The following JKAMP variants were observed in gnomAD, a reference collection of about 807,000 sequenced individuals.
The protein encoded by JKAMP is JNK1/MAPK8-associated membrane protein.
In JKAMP, 20 loss-of-function variants were observed where a neutral mutation model predicts 40.2. The observed-to-expected ratio is 0.50, with a 90% CI of 0.35 to 0.72. The LOEUF (loss-of-function observed/expected upper bound fraction) is 0.72. JKAMP is among the 30% of genes least tolerant of loss of function. JKAMP has a pLI of 0.01. For missense variants in JKAMP, 276 were observed against 373.0 expected, an observed-to-expected ratio of 0.74 and a Z score of 2.14; for synonymous variants, 138 against 131.6, an observed-to-expected ratio of 1.05 and a Z score of -0.33.
chr14:59,487,706 G>A lies in JKAMP; in HGVS notation c.129G>A (p.Gln43=). The A allele has an allele frequency of 6.2e-7, 1 of 1,613,282 alleles. No individual in the cohort carries two copies. Among genetic ancestry groups the A allele is most frequent in the Non-Finnish European group, 8.5e-7 (1 of 1,179,358 alleles). Residue 43 remains glutamine (Q), a synonymous_variant, in exon 3 of 7, where the codon CAG becomes CAA. Coordinates refer to ENST00000616435, the MANE Select transcript of JKAMP (RefSeq NM_016475.5). ...CAAGAGGACAGAGAACGAATGCACAGAAATATTGTCAGCCTTGCACAGAAT... is the reference window on the plus strand; with the variant it reads ...CAAGAGGACAGAGAACGAATGCACAAAAATATTGTCAGCCTTGCACAGAAT... ...VCPRGQRTNA[Q]KYCQPCTESP...
In JKAMP at chr14:59,505,357, G is replaced by T; in HGVS notation, c.*1285G>T. 9.0e-7 allele frequency: 1 copy of T among 1,113,160 alleles called. No individual in the cohort carries two copies. The highest frequency in any genetic ancestry group is 2.6e-5 in the East Asian group (1 of 38,352). The allele number at this position is 1,113,160 out of a possible 1,614,324, so 69.0% of individuals were successfully genotyped here. A position where few individuals can be genotyped will look rare whatever the true frequency, so the allele number is the denominator to read the frequency against. On this transcript the variant is annotated 3_prime_UTR_variant, in exon 7 of 7. Transcript: ENST00000616435. ...TAAATATAAAAATTTTATTTGTATT[G>T]CACACATTTGGGGGGTTATTAGTGT...
chr14:59,489,397 G>A lies in JKAMP; in HGVS notation c.251+1569G>A, dbSNP rs138477091. 5.3e-5 allele frequency among the ~76,000 whole-genome samples: 8 copies of A among 152,360 alleles called. No individual in the cohort carries two copies. The East Asian group carries it at 1.5e-3, about 29-fold the overall frequency. On this transcript the variant is annotated intron_variant, in intron 3 of 6. Coordinates refer to ENST00000616435, the MANE Select transcript of JKAMP (RefSeq NM_016475.5). ...CAGCAGAGTTCTTTGCTAGGGCATAGTATGGATGACCTTTACTACAGTTCC... is the reference window on the plus strand; with the variant it reads ...CAGCAGAGTTCTTTGCTAGGGCATAATATGGATGACCTTTACTACAGTTCC...
intron 3 of JKAMP, among the ~76,000 whole-genome samples, chr14:59,492,474 G>C (rs1323159296): frequency 1.3e-5 from 2 of 152,104 alleles, no homozygotes; most frequent in African/African-American, 4.8e-5. Flanking sequence ...TGAACTTCTG[G>C]GGTCCTGCAA....
chr14:59,501,744 T>C (rs147203311), intron 6 of JKAMP, among the ~76,000 whole-genome samples: 43 of 152,288 alleles, frequency 2.8e-4, no homozygotes, highest in African/African-American at 1.0e-3. Context: ...TACCCCATAA[T>C]GTTTGGGGGA....
intron 6 of JKAMP, among the ~76,000 whole-genome samples, chr14:59,502,760 T>TTTTTCTTTGTTTTTG (rs1566583978): frequency 2.3e-5 from 3 of 130,112 alleles, no homozygotes; most frequent in African/African-American, 5.8e-5. Context: ...ATTTTTTTTT[T>TTTTTCTTTGTTTTTG]TTTTTTTTTT....
chr14:59,494,670 G>T (rs540400390), intron 3 of JKAMP, among the ~76,000 whole-genome samples: 1 of 152,274 alleles, frequency 6.6e-6, no homozygotes, highest in South Asian at 2.1e-4. Context: ...GGTAGGAGAT[G>T]AGCTTATAAT....
chr14:59,495,296 G>T, intron 4 of JKAMP, 72 bp downstream of exon 4: 1 of 1,206,146 alleles, frequency 8.3e-7, no homozygotes, highest in Non-Finnish European at 1.2e-6. Flanking sequence ...ATTTTATGGC[G>T]TTTGGAGACA....
chr14:59,494,685 T>C (rs557657493), intron 3 of JKAMP, among the ~76,000 whole-genome samples: 99 of 152,312 alleles, frequency 6.5e-4, no homozygotes, highest in Non-Finnish European at 7.6e-4. Flanking sequence ...TATAATATTA[T>C]AATTACTATA....
chr14:59,497,351 T>C (rs1454997977), intron 4 of JKAMP, among the ~76,000 whole-genome samples: 1 of 152,144 alleles, frequency 6.6e-6, no homozygotes, highest in Non-Finnish European at 1.5e-5. Flanking sequence ...GTAGGCAGCA[T>C]GGATTGAAAG....
At chr14:59,501,089 G>T (rs1361887142) in intron 5 of JKAMP, 102 bp from the exon 6 acceptor site, 2 of 733,802 alleles carry the variant, frequency 2.7e-6, no homozygotes, top group East Asian at 2.8e-5. Flanking sequence ...AACTGGTTGA[G>T]AAAGGATTTG....
Position 59,505,272 on chromosome 14 carries a change from A to G in JKAMP, c.*1200A>G. On this transcript the variant is annotated 3_prime_UTR_variant, in exon 7 of 7. Coordinates refer to ENST00000616435, the MANE Select transcript of JKAMP (RefSeq NM_016475.5). ...TTAATGTATTTTTCTCAGTACATTT[A>G]ACCACTGGGAAATGAACCCTTGTAC... 1 of 1,509,558 alleles carries G rather than the reference A, an allele frequency of 6.6e-7. No homozygotes were observed. Among genetic ancestry groups the G allele is most frequent in the Non-Finnish European group, 8.9e-7 (1 of 1,128,042 alleles). 93.5% of individuals were successfully genotyped at this position (1,509,558 alleles called of 1,614,324 possible). A position where few individuals can be genotyped will look rare whatever the true frequency, so the allele number is the denominator to read the frequency against.
In JKAMP at chr14:59,484,539, C is replaced by T; in HGVS notation, c.-51C>T. The T allele has an allele frequency of 1.9e-6, 3 of 1,560,628 alleles. No homozygotes were observed. Among genetic ancestry groups the T allele is most frequent in the African/African-American group, 1.4e-5 (1 of 73,458 alleles). Reference sequence around the variant, plus strand: ...GCTGTGGCCCGGATGTTCGGTGCAGCTGCCAGATCCGCTGATCTAGTGCTT... The same window carrying T: ...GCTGTGGCCCGGATGTTCGGTGCAGTTGCCAGATCCGCTGATCTAGTGCTT... On this transcript the variant is annotated 5_prime_UTR_variant, in exon 1 of 7. Coordinates refer to ENST00000616435, the MANE Select transcript of JKAMP (RefSeq NM_016475.5).
chr14:59,491,464 G>A (rs566125320), intron 3 of JKAMP, among the ~76,000 whole-genome samples: 1 of 152,198 alleles, frequency 6.6e-6, no homozygotes, highest in Non-Finnish European at 1.5e-5. Context: ...GTAATGGCAA[G>A]AAATAATGAA....
intron 6 of JKAMP, among the ~76,000 whole-genome samples, chr14:59,502,760 T>TGTTTTGTTTTGTTTTGTTTTG (rs760996086): frequency 1.0e-4 from 13 of 130,108 alleles, no homozygotes; most frequent in South Asian, 5.2e-4. Context: ...ATTTTTTTTT[T>TGTTTTGTTTTGTTTTGTTTTG]TTTTTTTTTT....
rs1891646457 is a variant in JKAMP at position 59,498,909 on chromosome 14, G to T, written c.640+1G>T. 1 of 1,563,828 alleles carries T rather than the reference G, an allele frequency of 6.4e-7. No homozygotes were observed. Among genetic ancestry groups the T allele is most frequent in the Non-Finnish European group, 8.7e-7 (1 of 1,148,122 alleles). ...CAGGCAGTTGGTGGAGGCCTTTTAT[G>T]TAAGTTTGATGGGTAAAGTCAATGA... is the stretch of plus-strand genomic sequence containing the variant. On this transcript the variant is annotated splice_donor_variant, in intron 5 of 6. Transcript: ENST00000616435. LOFTEE classifies it high-confidence loss of function.
At chr14:59,502,755 T>TGTTG (rs67189643) in intron 6 of JKAMP, among the ~76,000 whole-genome samples, 14 of 122,950 alleles carry the variant, frequency 1.1e-4, no homozygotes, top group African/African-American at 4.2e-4. Context: ...ATGAGATTTT[T>TGTTG]TTTTTTTTTT....
intron 3 of JKAMP, among the ~76,000 whole-genome samples, chr14:59,491,905 GGC>G (rs1891044104): frequency 6.6e-6 from 1 of 152,188 alleles, no homozygotes; most frequent in Non-Finnish European, 1.5e-5. Flanking sequence ...AGGTAGTAGT[GGC>G]CATGGCTGCT....
intron 5 of JKAMP, 107 bp from the exon 6 acceptor site, chr14:59,501,084 G>T (rs1285538802): frequency 1.4e-6 from 1 of 707,066 alleles, no homozygotes. Context: ...CACAGAACTG[G>T]TTGAGAAAGG....
At chr14:59,494,142 T>C (rs1489072674) in intron 3 of JKAMP, among the ~76,000 whole-genome samples, 2 of 125,768 alleles carry the variant, frequency 1.6e-5, no homozygotes, top group Non-Finnish European at 3.3e-5. Context: ...GTGTGTGAGA[T>C]ACACACACAT....
Sources: gnomAD v4.1 joint callset for allele counts (sites outside exome capture counted in the v4.1 genomes callset) on GRCh38, gnomAD v4.1.1 for gene constraint, MANE v1.5 for transcripts, NCBI Gene and HGNC (gene_info 2026-07-23, HGNC 2026-07-21) for gene names.